The following CDC42BPA variants were observed in gnomAD, a reference collection of about 807,000 sequenced individuals.
CDC42BPA encodes serine/threonine-protein kinase MRCK alpha.
A neutral mutation model predicts 223.5 loss-of-function variants in CDC42BPA; 80 were observed. That is an observed-to-expected ratio of 0.36 (90% CI 0.30 to 0.43). CDC42BPA has a LOEUF of 0.43. Ranked by LOEUF, CDC42BPA falls within the 20% of genes least tolerant of loss-of-function variation. CDC42BPA has a pLI of 1.00. For missense variants in CDC42BPA, 1,743 were observed against 2,099.9 expected, an observed-to-expected ratio of 0.83 and a Z score of 3.32; for synonymous variants, 694 against 718.6, an observed-to-expected ratio of 0.97 and a Z score of 0.55.
At chr1:227,256,369 G>A (rs536509697) in intron 1 of CDC42BPA, among the ~76,000 whole-genome samples, 14 of 152,228 alleles carry the variant, frequency 9.2e-5, no homozygotes, top group African/African-American at 2.4e-4. Context: ...ACTAATGCAC[G>A]CGGGGCTTAA....
At chr1:227,307,417 C>T (rs1379928245) in intron 1 of CDC42BPA, among the ~76,000 whole-genome samples, 1 of 152,122 alleles carries the variant, frequency 6.6e-6, no homozygotes, top group Non-Finnish European at 1.5e-5. Context: ...TCTCACACTA[C>T]CTACGGTTAA....
At chr1:227,221,867 A>G (rs1675953340) in intron 2 of CDC42BPA, among the ~76,000 whole-genome samples, 1 of 151,654 alleles carries the variant, frequency 6.6e-6, no homozygotes, top group African/African-American at 2.4e-5. Flanking sequence ...CAGCCATAAA[A>G]CCTAAAAATA....
chr1:227,243,424 GA>G (rs1680351140), intron 2 of CDC42BPA, among the ~76,000 whole-genome samples: 1 of 151,998 alleles, frequency 6.6e-6, no homozygotes, highest in Admixed American at 6.6e-5. Context: ...AATTAAATGT[GA>G]AAAAGGTAGT....
chr1:227,057,571 G>GT (rs1431536315), intron 21 of CDC42BPA, among the ~76,000 whole-genome samples: 2 of 152,096 alleles, frequency 1.3e-5, no homozygotes, highest in East Asian at 3.8e-4. Flanking sequence ...TGAGTAATTT[G>GT]TAATTCTTCA....
chr1:227,124,165 C>A (rs1030755986), intron 11 of CDC42BPA, among the ~76,000 whole-genome samples: 1 of 151,976 alleles, frequency 6.6e-6, no homozygotes, highest in Non-Finnish European at 1.5e-5. Flanking sequence ...TATAACCTAC[C>A]CCTAACCTTT....
chr1:227,177,327 C>T (rs527385755), intron 5 of CDC42BPA, among the ~76,000 whole-genome samples: 36 of 152,050 alleles, frequency 2.4e-4, no homozygotes, highest in African/African-American at 8.4e-4. Flanking sequence ...GAAAATGTCT[C>T]CCCCTCACCC....
At chr1:227,287,901 A>T (rs930820274) in intron 1 of CDC42BPA, among the ~76,000 whole-genome samples, 1 of 152,174 alleles carries the variant, frequency 6.6e-6, no homozygotes, top group Non-Finnish European at 1.5e-5. Flanking sequence ...GGCAGACAAT[A>T]CTTCACACTA....
chr1:227,066,431 C>T (rs553789469), intron 21 of CDC42BPA, among the ~76,000 whole-genome samples: 2 of 151,838 alleles, frequency 1.3e-5, no homozygotes, highest in East Asian at 3.9e-4. Flanking sequence ...AATCCAAGTT[C>T]CTAGCAGAAA....
chr1:227,089,534 T>C (rs1253295756), intron 16 of CDC42BPA, among the ~76,000 whole-genome samples: 2 of 151,942 alleles, frequency 1.3e-5, no homozygotes, highest in Admixed American at 6.6e-5. Flanking sequence ...CTGTAACCAC[T>C]GGACATTAAA....
At chr1:227,251,900 A>G (rs912309679) in intron 2 of CDC42BPA, among the ~76,000 whole-genome samples, 2 of 152,118 alleles carry the variant, frequency 1.3e-5, no homozygotes, top group Non-Finnish European at 2.9e-5. Flanking sequence ...GAAAAACTAG[A>G]AAATTTTCTA....
At chr1:227,143,971 G>C (rs917309733) in intron 8 of CDC42BPA, among the ~76,000 whole-genome samples, 1 of 152,126 alleles carries the variant, frequency 6.6e-6, no homozygotes, top group African/African-American at 2.4e-5. Context: ...TAAAAAATTG[G>C]TAAGAGAAGT....
At chr1:227,159,691 T>C (rs1376297182) in intron 6 of CDC42BPA, among the ~76,000 whole-genome samples, 1 of 151,482 alleles carries the variant, frequency 6.6e-6, no homozygotes, top group African/African-American at 2.4e-5. Flanking sequence ...CATATAAACT[T>C]TTTTTTTTCT....
chr1:227,214,402 T>A (rs1191548099), intron 2 of CDC42BPA, among the ~76,000 whole-genome samples: 1 of 152,136 alleles, frequency 6.6e-6, no homozygotes. Flanking sequence ...TTAAAATGGA[T>A]GAGAAAGAAA....
intron 12 of CDC42BPA, among the ~76,000 whole-genome samples, chr1:227,113,913 G>C (rs1251328709): frequency 6.7e-6 from 1 of 149,282 alleles, no homozygotes; most frequent in Admixed American, 6.7e-5. Context: ...TATAGTCGTA[G>C]CTACTAAGGT....
At chr1:227,302,410 T>C (rs1446928414) in intron 1 of CDC42BPA, among the ~76,000 whole-genome samples, 2 of 152,210 alleles carry the variant, frequency 1.3e-5, no homozygotes, top group Non-Finnish European at 2.9e-5. Flanking sequence ...ATATAGAATT[T>C]CAGTTTAGAA....
chr1:227,059,458 C>T (rs1382125166), intron 21 of CDC42BPA: 1 of 1,481,560 alleles, frequency 6.7e-7, no homozygotes. Context: ...TATTTACACA[C>T]ATAAGACTCT....
rs779543142 is a variant in CDC42BPA, at chr1:227,011,136, C to T, written c.4857+4944G>A. On this transcript the variant is annotated intron_variant, in intron 34 of 36. Coordinates refer to ENST00000366766, the MANE Select transcript of CDC42BPA (RefSeq NM_001394014.1). ...ATGGATTCACATTTCACAAAACATG[C>T]ACACAGAACAAATGGAATAGTATCT... is the stretch of plus-strand genomic sequence containing the variant. The T allele has an allele frequency of 4.6e-4, 362 of 789,194 alleles. 5 individuals are homozygous for T. The Middle Eastern group carries it at 5.8e-3, about 13-fold the overall frequency. The allele number at this position is 789,194 out of a possible 1,614,324, so 48.9% of individuals were successfully genotyped here.
intron 1 of CDC42BPA, among the ~76,000 whole-genome samples, chr1:227,291,622 T>C (rs926479316): frequency 6.6e-6 from 1 of 152,110 alleles, no homozygotes; most frequent in East Asian, 1.9e-4. Context: ...TGAAAGACTT[T>C]GGATATTTGA....
chr1:227,136,656 C>T (rs926107593), intron 10 of CDC42BPA, among the ~76,000 whole-genome samples: 2 of 152,146 alleles, frequency 1.3e-5, no homozygotes, highest in African/African-American at 4.8e-5. Flanking sequence ...GAAGGGAAAA[C>T]ATACACATTA....
Sources: allele counts gnomAD v4.1 joint callset (sites outside exome capture counted in the v4.1 genomes callset), GRCh38; gene constraint gnomAD v4.1.1; transcripts MANE v1.5; gene names NCBI Gene and HGNC (gene_info 2026-07-23, HGNC 2026-07-21).